The following GMDS variants were observed in gnomAD, a reference collection of about 807,000 sequenced individuals.
GMDS encodes the protein GDP-mannose 4,6 dehydratase.
A neutral mutation model predicts 49.9 loss-of-function variants in GMDS; 20 were observed. The ratio of observed to expected loss-of-function variants is 0.40; its 90% CI spans 0.28 to 0.58. The LOEUF is 0.58. Among genes scored for constraint, GMDS ranks in the 20% least tolerant of loss-of-function variants. The pLI, the probability that GMDS is intolerant of heterozygous loss-of-function variation, is 0.42. For synonymous variants in GMDS, 177 were observed against 178.6 expected (o/e 0.99, Z 0.07); for missense variants, 362 against 481.4 (o/e 0.75, Z 2.32).
At chr6:2,190,609 C>T (rs917026649) in intron 1 of GMDS, among the ~76,000 whole-genome samples, 3 of 152,212 alleles carry the variant, frequency 2.0e-5, no homozygotes, top group African/African-American at 7.2e-5. Flanking sequence ...TGGATTCCAC[C>T]AGCGGCCAAG....
At chr6:2,080,843 C>A (rs929414744) in intron 4 of GMDS, among the ~76,000 whole-genome samples, 1 of 152,154 alleles carries the variant, frequency 6.6e-6, no homozygotes, top group African/African-American at 2.4e-5. Flanking sequence ...AATTACAATA[C>A]CATTCCTGTC....
chr6:1,815,604 G>C (rs1380061805), intron 7 of GMDS, among the ~76,000 whole-genome samples: 2 of 152,066 alleles, frequency 1.3e-5, no homozygotes, highest in Non-Finnish European at 2.9e-5. Flanking sequence ...CTTTGTGATG[G>C]GCCACATGCT....
intron 7 of GMDS, among the ~76,000 whole-genome samples, chr6:1,868,005 T>TTC (rs1758523941): frequency 6.6e-6 from 1 of 150,926 alleles, no homozygotes; most frequent in Non-Finnish European, 1.5e-5. Flanking sequence ...TTTTTTTTTT[T>TTC]CCCTGGAGTC....
intron 4 of GMDS, among the ~76,000 whole-genome samples, chr6:2,016,305 G>T: frequency 6.7e-6 from 1 of 150,074 alleles, no homozygotes. Context: ...ACAGACAATT[G>T]TCCAGAAAAC....
intron 7 of GMDS, among the ~76,000 whole-genome samples, chr6:1,813,625 T>C (rs1581211841): frequency 6.6e-6 from 1 of 152,106 alleles, no homozygotes; most frequent in African/African-American, 2.4e-5. Context: ...GCTCCAGAGG[T>C]TTAAATAAGA....
At chr6:1,844,659 A>G (rs1301827797) in intron 7 of GMDS, among the ~76,000 whole-genome samples, 2 of 152,190 alleles carry the variant, frequency 1.3e-5, no homozygotes, top group African/African-American at 4.8e-5. Context: ...TGATTTTAGC[A>G]GTGTCTTCTC....
chr6:2,204,531 T>C (rs1227696228), intron 1 of GMDS, among the ~76,000 whole-genome samples: 1 of 152,218 alleles, frequency 6.6e-6, no homozygotes, highest in Non-Finnish European at 1.5e-5. Flanking sequence ...TGCTATTCAA[T>C]ACAGTAGCTA....
Position 2,067,998 on chromosome 6 carries a change from T to C in GMDS, c.345+47773A>G, listed in dbSNP as rs1323069710. On this transcript the variant is annotated intron_variant, in intron 4 of 10. Coordinates refer to ENST00000380815, the MANE Select transcript of GMDS (RefSeq NM_001500.4). ...TTTAGACCAATATCCTTGATGAACA[T>C]TGATGCAAAAATCCTCAATAAAATA... Among the ~76,000 whole-genome samples the C allele has an allele frequency of 2.7e-5, 4 of 150,870 alleles. No homozygotes were observed. In the South Asian group the frequency reaches 6.5e-4, roughly 24 times the overall value.
chr6:2,121,350 T>C (rs879444327), intron 2 of GMDS, among the ~76,000 whole-genome samples: 2 of 152,170 alleles, frequency 1.3e-5, no homozygotes, highest in African/African-American at 2.4e-5. Context: ...ATGACCCCTG[T>C]AGGTAATAAA....
chr6:1,964,772 C>G (rs1764166441), intron 4 of GMDS, among the ~76,000 whole-genome samples: 1 of 152,126 alleles, frequency 6.6e-6, no homozygotes, highest in Non-Finnish European at 1.5e-5. Flanking sequence ...TGGTGTGCTG[C>G]ACCCAGTAAC....
intron 1 of GMDS, among the ~76,000 whole-genome samples, chr6:2,199,968 C>G (rs1218913377): frequency 6.6e-6 from 1 of 152,106 alleles, no homozygotes; most frequent in African/African-American, 2.4e-5. Context: ...TATTCCATAC[C>G]ATAGCAAATT....
chr6:1,933,434 T>C (rs569967861), intron 6 of GMDS, among the ~76,000 whole-genome samples: 12 of 152,324 alleles, frequency 7.9e-5, no homozygotes, highest in East Asian at 5.8e-4. Flanking sequence ...GTTTTACCAA[T>C]TGAGGAACTG....
intron 9 of GMDS, among the ~76,000 whole-genome samples, chr6:1,710,669 A>C (rs2113391269): frequency 6.6e-6 from 1 of 152,334 alleles, no homozygotes; most frequent in Non-Finnish European, 1.5e-5. Context: ...CCTAGGCACA[A>C]AAATCTTGAC....
chr6:2,030,140 A>G (rs73716923), intron 4 of GMDS, among the ~76,000 whole-genome samples: 3,288 of 152,294 alleles, frequency 0.022, 104 homozygotes, highest in African/African-American at 0.074. Flanking sequence ...GCACAACCAG[A>G]CAGATCCATC....
intron 4 of GMDS, among the ~76,000 whole-genome samples, chr6:2,021,019 T>C (rs2127405657): frequency 6.6e-6 from 1 of 152,376 alleles, no homozygotes; most frequent in South Asian, 2.1e-4. Flanking sequence ...CCAGCTGAGA[T>C]GGTCTTGAGC....
chr6:1,639,744 G>A (rs1168783741), intron 9 of GMDS, among the ~76,000 whole-genome samples: 1 of 152,232 alleles, frequency 6.6e-6, no homozygotes, highest in Non-Finnish European at 1.5e-5. Flanking sequence ...CGGGTGTGGT[G>A]GTGCATGCCT....
At chr6:2,070,427 A>T (rs899541369) in intron 4 of GMDS, among the ~76,000 whole-genome samples, 1 of 152,132 alleles carries the variant, frequency 6.6e-6, no homozygotes, top group Non-Finnish European at 1.5e-5. Flanking sequence ...ATAATAATAA[A>T]AAAAAGAAAA....
In GMDS at chr6:1,841,698, G is replaced by C. The variant is rs116342172; in HGVS notation, c.771+88405C>G. 5.8e-3 allele frequency among the ~76,000 whole-genome samples: 885 copies of C among 152,278 alleles called. 8 individuals carry two copies. The highest frequency in any genetic ancestry group is 0.02 in the African/African-American group (841 of 41,560). ...GCTATAGAAATTGTCTCTCTGTACA[G>C]GTACAGGTAGGTGGTGTTCATGTGT... On this transcript the variant is annotated intron_variant, in intron 7 of 10. Transcript: ENST00000380815.
chr6:2,014,580 T>C (rs1220970076), intron 4 of GMDS, among the ~76,000 whole-genome samples: 2 of 152,082 alleles, frequency 1.3e-5, no homozygotes, highest in African/African-American at 4.8e-5. Context: ...ATAAGTTTTT[T>C]GGTTAAGACA....
Sources: gnomAD v4.1 joint callset for allele counts (sites outside exome capture counted in the v4.1 genomes callset) on GRCh38, gnomAD v4.1.1 for gene constraint, MANE v1.5 for transcripts, NCBI Gene and HGNC (gene_info 2026-07-23, HGNC 2026-07-21) for gene names.